The following DNAAF11 variants were observed in gnomAD, a reference collection of about 807,000 sequenced individuals.
DNAAF11 encodes dynein axonemal assembly factor 11.
In DNAAF11, 45 loss-of-function variants were observed where a neutral mutation model predicts 60.8. The observed-to-expected ratio is 0.74, with a 90% CI of 0.58 to 0.95. DNAAF11 has a LOEUF of 0.95. Ranked by LOEUF, DNAAF11 falls within the 40% of genes least tolerant of loss-of-function variation. DNAAF11 has a pLI of 0.00. For missense variants in DNAAF11, 546 were observed against 546.2 expected (o/e 1.00, Z 0.00); for synonymous variants, 191 against 183.5 (o/e 1.04, Z -0.33).
At chr8:132,629,809 T>C (rs761989789) in intron 5 of DNAAF11, among the ~76,000 whole-genome samples, 3 of 152,224 alleles carry the variant, frequency 2.0e-5, no homozygotes, top group Non-Finnish European at 4.4e-5. Context: ...GCCTCTTTTA[T>C]AAAGGTTAGC....
chr8:132,690,451 G>A, the DNAAF11 span, among the ~76,000 whole-genome samples: 1 of 152,128 alleles, frequency 6.6e-6, no homozygotes, highest in Non-Finnish European at 1.5e-5. Flanking sequence ...TACCCTTGCC[G>A]AACAGTGAGT....
upstream of DNAAF11, among the ~76,000 whole-genome samples, chr8:132,676,074 G>C (rs1825748153): frequency 6.6e-6 from 1 of 152,124 alleles, no homozygotes; most frequent in Admixed American, 6.5e-5. Context: ...TCACTATAAA[G>C]ATTCGTTGTC....
chr8:132,690,492 C>T, the DNAAF11 span, among the ~76,000 whole-genome samples: 2 of 152,160 alleles, frequency 1.3e-5, no homozygotes, highest in Admixed American at 1.3e-4. Flanking sequence ...ATAAATTACC[C>T]AGTCTCAGGA....
At chr8:132,604,651 C>T (rs1302673664) in intron 10 of DNAAF11, among the ~76,000 whole-genome samples, 4 of 152,012 alleles carry the variant, frequency 2.6e-5, no homozygotes, top group African/African-American at 4.8e-5. Context: ...AGATATCCTC[C>T]GGATGATGAT....
chr8:132,637,582 G>C (rs1821425292), intron 4 of DNAAF11, among the ~76,000 whole-genome samples: 1 of 151,312 alleles, frequency 6.6e-6, no homozygotes, highest in African/African-American at 2.4e-5. Flanking sequence ...TCCAGCCTGG[G>C]TGACAGAGTG....
rs572216454 is a variant in DNAAF11 at position 132,589,977 on chromosome 8, C to G, written c.1141-6198G>C. 1.3e-4 allele frequency among the ~76,000 whole-genome samples: 20 copies of G among 152,350 alleles called. 1 individual carries two copies. The South Asian group carries it at 3.9e-3, about 30-fold the overall frequency. The stretch of plus-strand genomic sequence containing the variant: ...AACATTAATAAATGATTTTTACACT[C>G]TTCAGTGCAGACCTTTGCAGTACTT... On this transcript the variant is annotated intron_variant, in intron 10 of 11. Coordinates refer to ENST00000620350, the MANE Select transcript of DNAAF11 (RefSeq NM_012472.6).
At chr8:132,587,452 C>A (rs549223960) in intron 10 of DNAAF11, among the ~76,000 whole-genome samples, 98 of 152,042 alleles carry the variant, frequency 6.4e-4, no homozygotes, top group African/African-American at 2.3e-3. Flanking sequence ...TAGTAGGTTA[C>A]CTTTTCTGAT....
chr8:132,614,432 C>T (rs568410573), intron 8 of DNAAF11, among the ~76,000 whole-genome samples: 10 of 152,094 alleles, frequency 6.6e-5, no homozygotes, highest in Non-Finnish European at 1.5e-4. Context: ...TAGATGCTTC[C>T]ACAAAGAAGA....
chr8:132,580,600 A>G (rs1344194602), intron 11 of DNAAF11, among the ~76,000 whole-genome samples: 2 of 152,230 alleles, frequency 1.3e-5, no homozygotes, highest in African/African-American at 4.8e-5. Flanking sequence ...GCAACAGAGA[A>G]AAAAATAAAA....
upstream of DNAAF11, among the ~76,000 whole-genome samples, chr8:132,680,250 A>G (rs1404111325): frequency 6.6e-6 from 1 of 152,238 alleles, no homozygotes; most frequent in African/African-American, 2.4e-5. Context: ...CTGTTTATGC[A>G]AATCATTGTT....
chr8:132,633,012 T>G, intron 4 of DNAAF11, 49 bp from the exon 5 acceptor site: 4 of 1,282,862 alleles, frequency 3.1e-6, no homozygotes, highest in Non-Finnish European at 4.5e-6. Context: ...AGTAGCAGTG[T>G]GAATCAGCCC....
intron 11 of DNAAF11, chr8:132,578,491 A>G (rs567079119): frequency 5.2e-6 from 8 of 1,534,814 alleles, no homozygotes; most frequent in Non-Finnish European, 7.0e-6. Flanking sequence ...TGTCAGAAAC[A>G]TCACCTCTAG....
chr8:132,701,626 A>G, the DNAAF11 span, among the ~76,000 whole-genome samples: 19 of 152,228 alleles, frequency 1.2e-4, no homozygotes, highest in African/African-American at 4.6e-4. Flanking sequence ...GTGGGAAGAC[A>G]CACCGAATGC....
At chr8:132,594,678 G>A (rs973956030) in intron 10 of DNAAF11, among the ~76,000 whole-genome samples, 11 of 151,964 alleles carry the variant, frequency 7.2e-5, no homozygotes, top group African/African-American at 2.7e-4. Flanking sequence ...GTTTTATAAG[G>A]GGCTCTTCCC....
intron 5 of DNAAF11, among the ~76,000 whole-genome samples, chr8:132,629,885 A>T (rs1470509381): frequency 6.6e-6 from 1 of 152,252 alleles, no homozygotes. Context: ...AACCAATTAC[A>T]TCTATTTTTA....
intron 10 of DNAAF11, among the ~76,000 whole-genome samples, chr8:132,592,961 C>T (rs1321500173): frequency 2.6e-5 from 4 of 151,556 alleles, no homozygotes; most frequent in African/African-American, 9.7e-5. Flanking sequence ...ATTAAAAGTC[C>T]GTCATATTTA....
In DNAAF11 at chr8:132,570,632, T is replaced by C. The variant is rs376480021; in HGVS notation, c.*1674A>G. 7.2e-5 allele frequency among the ~76,000 whole-genome samples: 11 copies of C among 152,212 alleles called. No individual in the cohort carries two copies. The highest frequency in any genetic ancestry group is 2.4e-4 in the African/African-American group (10 of 41,544). ...TTCCCTACGTGGTTCCTGGGTAGAG[T>C]TGACCATGAAGAAAGGTGTTATACT... On this transcript the variant is annotated 3_prime_UTR_variant, in exon 12 of 12. Transcript: ENST00000620350.
In DNAAF11 at chr8:132,583,099, G is replaced by C. The variant is rs1234794543; in HGVS notation, c.1226+595C>G. Among the ~76,000 whole-genome samples, 3 of 152,182 alleles carry C rather than the reference G, an allele frequency of 2.0e-5. No homozygotes were observed. The East Asian group carries it at 5.8e-4, about 29-fold the overall frequency. On this transcript the variant is annotated intron_variant, in intron 11 of 11. Coordinates refer to ENST00000620350, the MANE Select transcript of DNAAF11 (RefSeq NM_012472.6). The stretch of plus-strand genomic sequence containing the variant: ...CCAAGAAGGGAATGACTACTCTCTT[G>C]AGAGGGTGAGGGTCCTGTTGGGAAA...
intron 10 of DNAAF11, among the ~76,000 whole-genome samples, chr8:132,591,048 C>A (rs1190595213): frequency 6.6e-6 from 1 of 152,100 alleles, no homozygotes; most frequent in Non-Finnish European, 1.5e-5. Context: ...TACCCATGTA[C>A]ATAAATTGTA....
Sources: gnomAD v4.1 joint callset for allele counts (sites outside exome capture counted in the v4.1 genomes callset) on GRCh38, gnomAD v4.1.1 for gene constraint, MANE v1.5 for transcripts, NCBI Gene and HGNC (gene_info 2026-07-23, HGNC 2026-07-21) for gene names.